The following NRG1 variants were observed in gnomAD, a reference collection of about 807,000 sequenced individuals.
NRG1 encodes the protein pro-neuregulin-1, membrane-bound isoform.
A neutral mutation model predicts 63.8 loss-of-function variants in NRG1; 18 were observed. The observed-to-expected ratio is 0.28, with a 90% confidence interval of 0.19 to 0.42. NRG1 has a LOEUF of 0.42. Ranked by LOEUF, NRG1 falls within the 10% of genes least tolerant of loss-of-function variation. The probability of loss-of-function intolerance (pLI) is 1.00; values close to 1 mark genes in which losing one functional copy is unlikely to be tolerated. For missense variants in NRG1, 762 were observed against 814.7 expected (o/e 0.94, Z 0.79); for synonymous variants, 302 against 301.3 (o/e 1.00, Z -0.02).
intron 1 of NRG1, among the ~76,000 whole-genome samples, chr8:32,144,691 C>T (rs1836675935): frequency 6.6e-6 from 1 of 152,112 alleles, no homozygotes; most frequent in African/African-American, 2.4e-5. Flanking sequence ...TTTCCTTTAT[C>T]TAAAAACGTC....
intron 1 of NRG1, among the ~76,000 whole-genome samples, chr8:31,685,059 T>G (rs1808744734): frequency 6.6e-6 from 1 of 152,156 alleles, no homozygotes; most frequent in Non-Finnish European, 1.5e-5. Context: ...ATATGCTCGT[T>G]TTTCTTACAG....
intron 1 of NRG1, among the ~76,000 whole-genome samples, chr8:31,972,827 A>G (rs976842419): frequency 2.2e-4 from 33 of 152,330 alleles, no homozygotes; most frequent in African/African-American, 7.5e-4. Context: ...TGCTGACTGT[A>G]TATCTCACTC....
At chr8:32,111,505 A>G (rs1252193819) in intron 1 of NRG1, among the ~76,000 whole-genome samples, 1 of 151,832 alleles carries the variant, frequency 6.6e-6, no homozygotes, top group African/African-American at 2.4e-5. Flanking sequence ...TGGTACCTCC[A>G]CTCTGTCACA....
chr8:32,253,878 G>T (rs1386915598), intron 1 of NRG1, among the ~76,000 whole-genome samples: 5 of 152,120 alleles, frequency 3.3e-5, no homozygotes, highest in African/African-American at 1.2e-4. Flanking sequence ...CTTGTTATTG[G>T]TCTATTCAGG....
intron 1 of NRG1, among the ~76,000 whole-genome samples, chr8:31,951,009 T>G (rs1803381534): frequency 6.6e-6 from 1 of 152,232 alleles, no homozygotes; most frequent in South Asian, 2.1e-4. Context: ...GTGCATTACA[T>G]TCGGTGACAG....
intron 1 of NRG1, chr8:32,030,288 G>GA (rs1186483208): frequency 6.6e-6 from 1 of 152,138 alleles, no homozygotes; most frequent in African/African-American, 2.4e-5. Flanking sequence ...AGAGGATGGG[G>GA]ATCTGTGTAA....
intron 1 of NRG1, among the ~76,000 whole-genome samples, chr8:32,549,130 G>T (rs1833608362): frequency 6.6e-6 from 1 of 152,208 alleles, no homozygotes; most frequent in Admixed American, 6.5e-5. Context: ...GCGCCTTAGC[G>T]GCTGAGCCCA....
At chr8:32,590,677 T>C (rs575505254) in intron 1 of NRG1, among the ~76,000 whole-genome samples, 1 of 152,332 alleles carries the variant, frequency 6.6e-6, no homozygotes, top group East Asian at 1.9e-4. Context: ...AAATAAATGA[T>C]ATTGTTTCAT....
intron 1 of NRG1, among the ~76,000 whole-genome samples, chr8:32,409,888 A>G (rs565080976): frequency 6.6e-6 from 1 of 152,156 alleles, no homozygotes; most frequent in Non-Finnish European, 1.5e-5. Flanking sequence ...AACCTTGCTG[A>G]TGGATTTCTC....
chr8:32,087,478 C>CTTCCTTT (rs1828398966), intron 1 of NRG1, among the ~76,000 whole-genome samples: 1 of 28,800 alleles, frequency 3.5e-5, no homozygotes, highest in Admixed American at 6.8e-4. Context: ...TATTTCTTTT[C>CTTCCTTT]TTTCTTTTTT....
At chr8:32,363,313 A>G (rs1305824837) in intron 1 of NRG1, among the ~76,000 whole-genome samples, 1 of 152,226 alleles carries the variant, frequency 6.6e-6, no homozygotes, top group Non-Finnish European at 1.5e-5. Flanking sequence ...TGCTGTGAGC[A>G]TCTGTTGAAG....
intron 1 of NRG1, among the ~76,000 whole-genome samples, chr8:32,130,523 A>C (rs1177268459): frequency 6.6e-6 from 1 of 151,938 alleles, no homozygotes; most frequent in Non-Finnish European, 1.5e-5. Flanking sequence ...TTACCCAAAA[A>C]GTCCATGTTT....
intron 1 of NRG1, among the ~76,000 whole-genome samples, chr8:32,457,062 G>A (rs1456746086): frequency 6.6e-6 from 1 of 152,152 alleles, no homozygotes; most frequent in African/African-American, 2.4e-5. Flanking sequence ...AACCCTGGAG[G>A]CAGAGATTGC....
intron 1 of NRG1, among the ~76,000 whole-genome samples, chr8:32,155,832 C>T (rs904788246): frequency 2.6e-5 from 4 of 152,102 alleles, no homozygotes; most frequent in Non-Finnish European, 5.9e-5. Context: ...CTTTTTATTT[C>T]TTACTTTTCT....
chr8:32,594,563 T>C (rs1188571767), intron 1 of NRG1, among the ~76,000 whole-genome samples: 1 of 152,196 alleles, frequency 6.6e-6, no homozygotes, highest in Non-Finnish European at 1.5e-5. Flanking sequence ...GTTATCAGCT[T>C]CTTGGTAATT....
intron 1 of NRG1, among the ~76,000 whole-genome samples, chr8:32,144,407 G>C (rs988211032): frequency 1.3e-5 from 2 of 151,888 alleles, no homozygotes; most frequent in Non-Finnish European, 1.5e-5. Context: ...GTGTGTGTAT[G>C]TGTTGGAGAA....
At chr8:32,664,414 G>A (rs1406885381) in intron 5 of NRG1, among the ~76,000 whole-genome samples, 11 of 152,064 alleles carry the variant, frequency 7.2e-5, no homozygotes, top group Non-Finnish European at 1.3e-4. Context: ...TCTGATGGGT[G>A]TGGTTATTTC....
intron 1 of NRG1, among the ~76,000 whole-genome samples, chr8:31,705,265 C>G (rs1015045779): frequency 1.3e-5 from 2 of 152,116 alleles, no homozygotes; most frequent in Non-Finnish European, 2.9e-5. Context: ...CCAGGATGGT[C>G]TCCATCTCCT....
intron 1 of NRG1, among the ~76,000 whole-genome samples, chr8:32,415,135 A>G (rs972247902): frequency 6.6e-6 from 1 of 152,062 alleles, no homozygotes; most frequent in African/African-American, 2.4e-5. Flanking sequence ...TTCACTTTTA[A>G]AAACAGGGAT....
Sources: gnomAD v4.1 joint callset for allele counts (sites outside exome capture counted in the v4.1 genomes callset) on GRCh38, gnomAD v4.1.1 for gene constraint, MANE v1.5 for transcripts, NCBI Gene and HGNC (gene_info 2026-07-23, HGNC 2026-07-21) for gene names.